Variants in SYN2 observed in about 807,000 individuals in gnomAD.
SYN2 encodes the protein synapsin-2.
A neutral mutation model predicts 50.9 loss-of-function variants in SYN2; 19 were observed. The ratio of observed to expected loss-of-function variants is 0.37; its 90% CI spans 0.26 to 0.55. The LOEUF is 0.55. Among genes scored for constraint, SYN2 ranks in the 20% least tolerant of loss-of-function variants. The probability of loss-of-function intolerance (pLI) is 0.81; values close to 1 mark genes in which losing one functional copy is unlikely to be tolerated. For synonymous variants in SYN2, 255 were observed against 224.9 expected (o/e 1.13, Z -1.20); for missense variants, 587 against 576.4 (o/e 1.02, Z -0.19).
At chr3:12,188,013 G>A (rs1698380134) in intron 12 of SYN2, among the ~76,000 whole-genome samples, 1 of 20,752 alleles carries the variant, frequency 4.8e-5, no homozygotes, top group South Asian at 3.4e-3. Context: ...CTTTGTGTGT[G>A]TTTCTTTCTT....
chr3:12,039,549 A>ATTTTTTTTTTT (rs60746238), intron 1 of SYN2, among the ~76,000 whole-genome samples: 22 of 117,988 alleles, frequency 1.9e-4, no homozygotes, highest in East Asian at 2.8e-4. Context: ...AGAAGCAAAG[A>ATTTTTTTTTTT]TTTTTTTTTT....
chr3:12,190,341 T>C (rs1218580930), intron 12 of SYN2, 149 bp from the exon 13 acceptor site: 1 of 891,322 alleles, frequency 1.1e-6, no homozygotes, highest in Non-Finnish European at 1.8e-6. Context: ...AGGGTCTTGG[T>C]AGCATGGCCA....
At chr3:12,188,997 G>T (rs1335454114) in intron 12 of SYN2, among the ~76,000 whole-genome samples, 1 of 152,212 alleles carries the variant, frequency 6.6e-6, no homozygotes, top group Non-Finnish European at 1.5e-5. Flanking sequence ...GCTGAGGAGT[G>T]CCCCCACTCC....
intron 12 of SYN2, 25 bp from the exon 13 acceptor site, chr3:12,190,465 A>G (rs1162990971): frequency 4.3e-6 from 7 of 1,612,830 alleles, no homozygotes; most frequent in African/African-American, 2.7e-5. Flanking sequence ...ACCCTCTCAC[A>G]TTCTCTCTGG....
At chr3:12,092,808 G>A (rs1695857712) in intron 1 of SYN2, among the ~76,000 whole-genome samples, 1 of 152,202 alleles carries the variant, frequency 6.6e-6, no homozygotes, top group African/African-American at 2.4e-5. Context: ...TTGAGAGGTG[G>A]AAGAAGGGCC....
At chr3:12,146,416 A>G (rs1697150954) in intron 4 of SYN2, among the ~76,000 whole-genome samples, 2 of 152,244 alleles carry the variant, frequency 1.3e-5, no homozygotes, top group African/African-American at 2.4e-5. Flanking sequence ...TTAACCTTTC[A>G]TGATAGAGAT....
intron 10 of SYN2, among the ~76,000 whole-genome samples, chr3:12,172,332 C>T (rs1450144333): frequency 6.6e-6 from 1 of 152,196 alleles, no homozygotes; most frequent in Non-Finnish European, 1.5e-5. Context: ...CTCCATAAGA[C>T]CCTCACTCCT....
At chr3:12,063,667 A>G (rs986145941) in intron 1 of SYN2, among the ~76,000 whole-genome samples, 1 of 152,024 alleles carries the variant, frequency 6.6e-6, no homozygotes, top group Non-Finnish European at 1.5e-5. Context: ...ATATTTATGG[A>G]TATTTTTAAA....
intron 1 of SYN2, among the ~76,000 whole-genome samples, chr3:12,017,174 A>T (rs1042277890): frequency 6.6e-6 from 1 of 152,132 alleles, no homozygotes; most frequent in Admixed American, 6.5e-5. Flanking sequence ...TGTAGTGCAG[A>T]TGTAGGCTAG....
intron 1 of SYN2, among the ~76,000 whole-genome samples, chr3:12,041,398 CT>C (rs1268840686): frequency 6.6e-6 from 1 of 152,180 alleles, no homozygotes; most frequent in East Asian, 1.9e-4. Context: ...TGGAATAGAG[CT>C]TGCCTCTGTG....
chr3:12,118,679 G>T (rs1696486861), intron 1 of SYN2, among the ~76,000 whole-genome samples: 1 of 152,152 alleles, frequency 6.6e-6, no homozygotes, highest in African/African-American at 2.4e-5. Flanking sequence ...AGTTTAGGGG[G>T]TCCATATTTT....
rs942366750 is a variant in SYN2, at chr3:12,152,523, G to C, written c.774+1197G>C. 3.3e-5 allele frequency among the ~76,000 whole-genome samples: 5 copies of C among 152,140 alleles called. No individual in the cohort carries two copies. The South Asian group carries it at 8.3e-4, about 25-fold the overall frequency. ...CTTTTTCCTGCTGTAGCATCTAGCA[G>C]GGCTGGCTGCTGGAAAAAAACTGCC... On this transcript the variant is annotated intron_variant, in intron 5 of 12. Coordinates refer to ENST00000621198, the MANE Select transcript of SYN2 (RefSeq NM_133625.6).
At chr3:12,016,157 A>G (rs577859744) in intron 1 of SYN2, among the ~76,000 whole-genome samples, 2 of 152,324 alleles carry the variant, frequency 1.3e-5, no homozygotes, top group African/African-American at 4.8e-5. Flanking sequence ...AGCAATACAT[A>G]TGAATATATA....
intron 9 of SYN2, 142 bp from the exon 10 acceptor site, chr3:12,169,615 C>T: frequency 1.1e-6 from 1 of 897,518 alleles, no homozygotes; most frequent in Admixed American, 2.9e-5. Flanking sequence ...TGCAAATGAT[C>T]ACACTTCCAG....
chr3:12,081,428 T>C (rs188979076), intron 1 of SYN2, among the ~76,000 whole-genome samples: 49 of 152,358 alleles, frequency 3.2e-4, no homozygotes, highest in African/African-American at 1.2e-3. Context: ...GTGCACATTA[T>C]TAGATTGCTC....
intron 1 of SYN2, among the ~76,000 whole-genome samples, chr3:12,056,560 T>A (rs1172856499): frequency 6.6e-6 from 1 of 152,304 alleles, no homozygotes; most frequent in East Asian, 1.9e-4. Context: ...CACCTATATA[T>A]TAAAAATATT....
At chr3:12,149,057 G>A (rs184914691) in intron 4 of SYN2, among the ~76,000 whole-genome samples, 589 of 152,310 alleles carry the variant, frequency 3.9e-3, no homozygotes, top group Non-Finnish European at 6.5e-3. Flanking sequence ...GGAGAGGAGG[G>A]TGGGGTGAGC....
intron 1 of SYN2, among the ~76,000 whole-genome samples, chr3:12,044,207 A>ACC (rs559345771): frequency 0.084 from 12,195 of 144,828 alleles, 596 homozygotes; most frequent in Middle Eastern, 0.14. Context: ...ACACACACAC[A>ACC]CACACACACA....
intron 1 of SYN2, among the ~76,000 whole-genome samples, chr3:12,066,723 C>A (rs1413091880): frequency 2.0e-5 from 3 of 152,144 alleles, no homozygotes; most frequent in Admixed American, 1.3e-4. Context: ...TAGAGCAGTT[C>A]TGTTCAAGAA....
Sources: gnomAD v4.1 joint callset for allele counts (sites outside exome capture counted in the v4.1 genomes callset) on GRCh38, gnomAD v4.1.1 for gene constraint, MANE v1.5 for transcripts, NCBI Gene and HGNC (gene_info 2026-07-23, HGNC 2026-07-21) for gene names.